Variants in TSC22D4 observed in about 807,000 individuals in gnomAD.
TSC22D4 encodes TSC22 domain family protein 4.
Under a neutral mutation model 24.9 loss-of-function variants are expected in TSC22D4, and 5 were observed. That is an observed-to-expected ratio of 0.20 (90% CI 0.10 to 0.42). The LOEUF is 0.42. Ranked by LOEUF, TSC22D4 falls within the 10% of genes least tolerant of loss-of-function variation. TSC22D4 has a pLI of 1.00. For synonymous variants in TSC22D4, 245 were observed against 243.2 expected, an observed-to-expected ratio of 1.01 and a Z score of -0.07; for missense variants, 469 against 547.9, an observed-to-expected ratio of 0.86 and a Z score of 1.44.
At chr7:100,478,350 A>AGGGTGT (rs1228276528) in intron 1 of TSC22D4, 43 bp from the exon 2 acceptor site, 1 of 82,804 alleles carries the variant, frequency 1.2e-5, no homozygotes, top group Non-Finnish European at 2.1e-5. Flanking sequence ...AGAGAGAGAG[A>AGGGTGT]GTGTGTGTGT....
chr7:100,469,482 T>A (rs1251089256), intron 3 of TSC22D4, among the ~76,000 whole-genome samples: 3 of 152,054 alleles, frequency 2.0e-5, no homozygotes, highest in African/African-American at 7.2e-5. Flanking sequence ...TCCACGACGT[T>A]GGGCTCCTGG....
intron 3 of TSC22D4, among the ~76,000 whole-genome samples, chr7:100,473,204 G>A (rs1002591435): frequency 9.2e-5 from 14 of 152,086 alleles, no homozygotes; most frequent in Non-Finnish European, 1.5e-4. Flanking sequence ...CCAGAAAGTC[G>A]CTCTCTGCAG....
chr7:100,470,835 TC>T (rs1016480732), intron 3 of TSC22D4, among the ~76,000 whole-genome samples: 14 of 152,198 alleles, frequency 9.2e-5, no homozygotes, highest in African/African-American at 3.4e-4. Context: ...CTTAATGCCA[TC>T]TTCTGGAAAA....
intron 3 of TSC22D4, among the ~76,000 whole-genome samples, chr7:100,468,285 G>A (rs886102938): frequency 9.2e-5 from 14 of 152,138 alleles, no homozygotes; most frequent in Non-Finnish European, 1.5e-4. Context: ...GTCAGCTGGT[G>A]GCTGGGCCAG....
chr7:100,476,270 T>G (rs1164893939), intron 2 of TSC22D4, among the ~76,000 whole-genome samples: 40 of 119,726 alleles, frequency 3.3e-4, no homozygotes, highest in Non-Finnish European at 4.8e-4. Context: ...ACGAGAGATG[T>G]GAGCTTGAGG....
At position 100,474,458 on chromosome 7, in the gene TSC22D4, G is replaced by C; in HGVS notation, c.763-18C>G. The C allele has an allele frequency of 6.2e-7, 1 of 1,613,360 alleles. No homozygotes were observed. The highest frequency in any genetic ancestry group is 8.5e-7 in the Non-Finnish European group (1 of 1,179,794). On this transcript the variant is annotated intron_variant, in intron 2 of 4. Coordinates refer to ENST00000300181, the MANE Select transcript of TSC22D4 (RefSeq NM_030935.5). The surrounding 1 kb of genome is among the most constrained non-coding windows in gnomAD (Gnocchi z 4.3). ...GGGGGCACCTGGAGGCGGAGAGGTA[G>C]GAACCATCACATGAAAAGAGAAAAG...
At chr7:100,473,974 A>C (rs1563181869) in intron 3 of TSC22D4, 1 of 328,534 alleles carries the variant, frequency 3.0e-6, no homozygotes. Flanking sequence ...GGTTGGCCAG[A>C]TGATCTCTAA....
rs1165346063 is a variant in TSC22D4, at chr7:100,477,747, G to C, written c.292C>G (p.Arg98Gly). ...CCGAAGCTGTGGGGCTCCAGGTCTC[G>C]CTCATAAACATCCACACACGTCCAG... is the stretch of plus-strand genomic sequence containing the variant. The part of the protein sequence containing the change: ...GRWTCVDVYE[R>G]DLEPHSFGGL... The change falls in exon 2 of 5, where the codon CGA becomes GGA. Residue 98 changes from arginine to glycine, a missense_variant. Transcript: ENST00000300181. This position sits in a 1 kb window ranked among gnomAD's most constrained non-coding sequence, Gnocchi z 7.8. 3 of 1,603,806 alleles carry C rather than the reference G, an allele frequency of 1.9e-6. No homozygotes were observed. The highest frequency in any genetic ancestry group is 2.5e-6 in the Non-Finnish European group (3 of 1,179,742).
chr7:100,471,310 C>T (rs1799387552), intron 3 of TSC22D4, among the ~76,000 whole-genome samples: 1 of 152,142 alleles, frequency 6.6e-6, no homozygotes, highest in Admixed American at 6.5e-5. Context: ...ATATTGTAGA[C>T]CATTGCCGCC....
chr7:100,474,498 C>A lies in TSC22D4; in HGVS notation c.763-58G>T. 6.3e-7 allele frequency: 1 copy of A among 1,598,272 alleles called. No individual in the cohort carries two copies. Among genetic ancestry groups the A allele is most frequent in the South Asian group, 1.1e-5 (1 of 89,780 alleles). ...AAAGAGAAAAGAAAGGAACCAGCTG[C>A]CTTAAAACTTGCCTATTAGCCTTCC... On this transcript the variant is annotated intron_variant, in intron 2 of 4. Transcript: ENST00000300181. The surrounding 1 kb of genome is among the most constrained non-coding windows in gnomAD (Gnocchi z 4.3).
chr7:100,468,457 G>A (rs1370936532), intron 3 of TSC22D4, among the ~76,000 whole-genome samples: 3 of 152,114 alleles, frequency 2.0e-5, no homozygotes, highest in East Asian at 3.9e-4. Context: ...CTGGGGTAGG[G>A]GGCGTTCTGA....
intron 3 of TSC22D4, among the ~76,000 whole-genome samples, chr7:100,469,287 A>G (rs879751974): frequency 8.0e-5 from 12 of 150,868 alleles, no homozygotes; most frequent in Non-Finnish European, 1.6e-4. Context: ...GTCTCAGAGG[A>G]AGCGAGGGTT....
At chr7:100,471,656 C>A (rs888132696) in intron 3 of TSC22D4, among the ~76,000 whole-genome samples, 5 of 152,128 alleles carry the variant, frequency 3.3e-5, no homozygotes, top group Non-Finnish European at 5.9e-5. Flanking sequence ...AGGAGAATCG[C>A]TTAAACCTGG....
chr7:100,478,967 A>C lies in TSC22D4; in HGVS notation c.-443T>G, dbSNP rs1463515016. On this transcript the variant is annotated 5_prime_UTR_variant, in exon 1 of 5. Coordinates refer to ENST00000300181, the MANE Select transcript of TSC22D4 (RefSeq NM_030935.5). Reference sequence around the variant, plus strand: ...CTCATCCTGCCAGGCATCTCCGAGGAAAGTTTGCTCTCCGGAAAAGAAGAA... The same window carrying C: ...CTCATCCTGCCAGGCATCTCCGAGGCAAGTTTGCTCTCCGGAAAAGAAGAA... The C allele has an allele frequency of 6.6e-6, 1 of 152,190 alleles. No individual in the cohort carries two copies. The highest frequency in any genetic ancestry group is 1.5e-5 in the Non-Finnish European group (1 of 68,100). The allele number at this position is 152,190 out of a possible 1,614,324, so 9.4% of individuals were successfully genotyped here. A position where few individuals can be genotyped will look rare whatever the true frequency, so the allele number is the denominator to read the frequency against.
chr7:100,471,227 C>CG (rs1799385504), intron 3 of TSC22D4, among the ~76,000 whole-genome samples: 1 of 17,270 alleles, frequency 5.8e-5, no homozygotes, highest in East Asian at 1.1e-3. Flanking sequence ...CTGGGGAGGT[C>CG]GGGGAGGGGG....
intron 3 of TSC22D4, among the ~76,000 whole-genome samples, chr7:100,470,704 G>A (rs754829137): frequency 5.9e-5 from 9 of 152,160 alleles, no homozygotes; most frequent in Non-Finnish European, 1.0e-4. Context: ...TGGGCACTGT[G>A]CTAGAATTCT....
At chr7:100,467,894 T>G in intron 3 of TSC22D4, 1 of 606,246 alleles carries the variant, frequency 1.6e-6, no homozygotes. Context: ...ACCACTCGGG[T>G]CTCATAAGAC....
rs747250860 is a variant in TSC22D4, at chr7:100,467,100, C to T, written c.1047G>A (p.Arg349=). 1.2e-6 allele frequency: 2 copies of T among 1,614,150 alleles called. No individual in the cohort carries two copies. Among genetic ancestry groups the T allele is most frequent in the Admixed American group, 3.3e-5 (2 of 60,030 alleles). ...EEVEVLKEQI[R]ELAERNAALE... ...GCGCAGCGTTCCGCTCCGCCAATTC[C>T]CGGATCTGCTCCTTCAGCACCTCCA... is the stretch of plus-strand genomic sequence containing the variant. The change falls in exon 5 of 5, where the codon CGG becomes CGA. Residue 349 remains arginine, a synonymous_variant. Coordinates refer to ENST00000300181, the MANE Select transcript of TSC22D4 (RefSeq NM_030935.5).
chr7:100,469,821 C>T (rs1324585085), intron 3 of TSC22D4, among the ~76,000 whole-genome samples: 11 of 152,164 alleles, frequency 7.2e-5, no homozygotes, highest in Admixed American at 7.2e-4. Context: ...TCAAGGTGAC[C>T]CCTGGATAAG....
Sources: allele counts gnomAD v4.1 joint callset (sites outside exome capture counted in the v4.1 genomes callset), GRCh38; gene constraint gnomAD v4.1.1; non-coding constraint Gnocchi (gnomAD v3.1); transcripts MANE v1.5; gene names NCBI Gene and HGNC (gene_info 2026-07-23, HGNC 2026-07-21).